TCEA1: variants seen among roughly 807,000 people sequenced by gnomAD.
TCEA1 encodes the protein transcription elongation factor A protein 1.
Under a neutral mutation model 43.8 loss-of-function variants are expected in TCEA1, and 21 were observed. The ratio of observed to expected loss-of-function variants is 0.48; its 90% CI spans 0.34 to 0.69. The LOEUF is 0.69. Ranked by LOEUF, TCEA1 falls within the 30% of genes least tolerant of loss-of-function variation. The pLI is 0.01. For missense variants in TCEA1, 250 were observed against 365.1 expected, an observed-to-expected ratio of 0.68 and a Z score of 2.57; for synonymous variants, 104 against 117.5, an observed-to-expected ratio of 0.88 and a Z score of 0.75.
intron 8 of TCEA1, among the ~76,000 whole-genome samples, chr8:53,977,540 G>A (rs1192302403): frequency 6.6e-6 from 1 of 152,120 alleles, no homozygotes; most frequent in African/African-American, 2.4e-5. Flanking sequence ...CCCCTTTAGA[G>A]TTTAGTGATG....
chr8:53,987,270 G>T (rs1355593665), intron 5 of TCEA1, among the ~76,000 whole-genome samples: 1 of 152,208 alleles, frequency 6.6e-6, no homozygotes, highest in African/African-American at 2.4e-5. Context: ...GGAAGTAACT[G>T]ATCTAGCAGG....
intron 1 of TCEA1, among the ~76,000 whole-genome samples, chr8:54,015,463 T>C (rs1410238956): frequency 2.6e-5 from 4 of 152,136 alleles, no homozygotes; most frequent in Non-Finnish European, 5.9e-5. Flanking sequence ...CCACCATGCC[T>C]GGCCCATTAT....
Position 54,022,282 on chromosome 8 carries a change from G to GGCA in TCEA1, c.-158_-157insTGC. On this transcript the variant is annotated 5_prime_UTR_variant, in exon 1 of 10. Transcript: ENST00000521604. ...CTTCCTTACGAACGAAGCCCGCGGC[G>GGCA]GCGGCGGCGGCGGCGGCGGCTCCGG... 2.6e-6 allele frequency: 2 copies of GGCA among 777,084 alleles called. No individual in the cohort carries two copies. Among genetic ancestry groups the GGCA allele is most frequent in the South Asian group, 1.6e-5 (1 of 63,046 alleles). The allele number at this position is 777,084 out of a possible 1,614,324, so 48.1% of individuals were successfully genotyped here. A position where few individuals can be genotyped will look rare whatever the true frequency, so the allele number is the denominator to read the frequency against.
rs569552749 is a variant in TCEA1, at chr8:54,013,655, T to A, written c.64-3163A>T. Among the ~76,000 whole-genome samples, 12 of 117,674 alleles carry A rather than the reference T, an allele frequency of 1.0e-4. No homozygotes were observed. In the South Asian group the frequency reaches 2.9e-3, roughly 28 times the overall value. The allele number at this position is 117,674 out of a possible 152,430, so 77.2% of individuals were successfully genotyped here. On this transcript the variant is annotated intron_variant, in intron 1 of 9. Coordinates refer to ENST00000521604, the MANE Select transcript of TCEA1 (RefSeq NM_006756.4). Reference sequence around the variant, plus strand: ...GAGATCGTGCCACTGCACTCCAACCTGGACGATAGAGCAAAACTCCATCTC... The same window carrying A: ...GAGATCGTGCCACTGCACTCCAACCAGGACGATAGAGCAAAACTCCATCTC...
At chr8:53,978,948 T>C (rs1027531372) in intron 8 of TCEA1, 77 bp downstream of exon 8, 2 of 1,461,932 alleles carry the variant, frequency 1.4e-6, no homozygotes, top group African/African-American at 2.8e-5. Context: ...TACTGGTAAT[T>C]ATCTTTGCTA....
chr8:54,019,683 C>G lies in TCEA1; in HGVS notation c.63+2380G>C, dbSNP rs1228311046. Among the ~76,000 whole-genome samples, 4 of 152,040 alleles carry G rather than the reference C, an allele frequency of 2.6e-5. No homozygotes were observed. The East Asian group carries it at 7.7e-4, about 29-fold the overall frequency. Reference sequence around the variant, plus strand: ...CACATATACCATAATTCTACAACCCCTAAAACACATTTTGTTGAATTACTG... The same window carrying G: ...CACATATACCATAATTCTACAACCCGTAAAACACATTTTGTTGAATTACTG... On this transcript the variant is annotated intron_variant, in intron 1 of 9. Coordinates refer to ENST00000521604, the MANE Select transcript of TCEA1 (RefSeq NM_006756.4).
chr8:53,977,160 A>T (rs1013948980), intron 8 of TCEA1, among the ~76,000 whole-genome samples: 10 of 152,162 alleles, frequency 6.6e-5, no homozygotes, highest in African/African-American at 2.2e-4. Context: ...TCTACTAAAA[A>T]TACAAAAAAA....
intron 3 of TCEA1, among the ~76,000 whole-genome samples, chr8:53,995,305 A>AC (rs1404698915): frequency 6.7e-6 from 1 of 149,610 alleles, no homozygotes; most frequent in Non-Finnish European, 1.5e-5. Context: ...AAAAAAAAAA[A>AC]AAAAAAAAAA....
chr8:54,013,771 A>C (rs1433706071), intron 1 of TCEA1, among the ~76,000 whole-genome samples: 1 of 152,174 alleles, frequency 6.6e-6, no homozygotes, highest in Non-Finnish European at 1.5e-5. Flanking sequence ...ACAGATAATC[A>C]TACATTAATT....
At chr8:53,974,310 A>G (rs1393801951) in intron 8 of TCEA1, 1 of 152,384 alleles carries the variant, frequency 6.6e-6, no homozygotes, top group Non-Finnish European at 1.5e-5. Flanking sequence ...CAAGAATATG[A>G]ATAAAATCTC....
At position 54,022,009 on chromosome 8, in the gene TCEA1, G is replaced by C. The variant is rs1805054699; in HGVS notation, c.63+54C>G. 3.9e-6 allele frequency: 6 copies of C among 1,525,506 alleles called. No homozygotes were observed. The East Asian group carries it at 1.3e-4, about 34-fold the overall frequency. The allele number at this position is 1,525,506 out of a possible 1,614,324, so 94.5% of individuals were successfully genotyped here. On this transcript the variant is annotated intron_variant, in intron 1 of 9. Transcript: ENST00000521604. Reference sequence around the variant, plus strand: ...GAAGGAGGGAGGGGGCGGCCCCCTCGGGCCGGACCGCGGCCCGGCCTCCCT... The same window carrying C: ...GAAGGAGGGAGGGGGCGGCCCCCTCCGGCCGGACCGCGGCCCGGCCTCCCT...
intron 7 of TCEA1, 97 bp downstream of exon 7, chr8:53,984,266 A>G (rs1264254403): frequency 2.7e-6 from 3 of 1,125,554 alleles, no homozygotes; most frequent in Admixed American, 3.4e-5. Context: ...AATTTATTAC[A>G]TATGCAATAT....
At chr8:53,997,205 G>A (rs368978983) in intron 3 of TCEA1, among the ~76,000 whole-genome samples, 26 of 152,184 alleles carry the variant, frequency 1.7e-4, no homozygotes, top group African/African-American at 6.0e-4. Context: ...ACCATGCCTG[G>A]CCAGAAGGTT....
intron 1 of TCEA1, among the ~76,000 whole-genome samples, chr8:54,019,593 T>A (rs1039219856): frequency 2.0e-5 from 3 of 151,850 alleles, no homozygotes; most frequent in African/African-American, 7.3e-5. Context: ...AAGTTAACTT[T>A]TTCATAATAT....
At chr8:54,021,930 G>C in intron 1 of TCEA1, 133 bp downstream of exon 1, 2 of 856,340 alleles carry the variant, frequency 2.3e-6, no homozygotes, top group Non-Finnish European at 3.2e-6. Flanking sequence ...CCCCGGGGAC[G>C]CGGGCGCGGC....
chr8:54,002,468 C>CAA (rs113615731), intron 2 of TCEA1, among the ~76,000 whole-genome samples: 1,171 of 106,908 alleles, frequency 0.011, 17 homozygotes, highest in African/African-American at 0.032. Context: ...GACTCCGTCT[C>CAA]AAAAAAAAAA....
intron 8 of TCEA1, chr8:53,973,829 G>T: frequency 2.6e-6 from 1 of 389,550 alleles, no homozygotes; most frequent in Non-Finnish European, 4.9e-6. Context: ...AAACCCTTGA[G>T]GAGAAAGCCT....
chr8:53,977,726 A>G (rs1430882348), intron 8 of TCEA1, among the ~76,000 whole-genome samples: 1 of 152,036 alleles, frequency 6.6e-6, no homozygotes, highest in Non-Finnish European at 1.5e-5. Flanking sequence ...ATTTTCACAT[A>G]TGCACATGCA....
intron 4 of TCEA1, among the ~76,000 whole-genome samples, chr8:53,990,198 CA>C (rs1304709527): frequency 1.4e-3 from 188 of 130,744 alleles, no homozygotes; most frequent in Admixed American, 1.5e-3. Context: ...ACTCTGTCTC[CA>C]AAAAAAAAAA....
Sources: allele counts gnomAD v4.1 joint callset (sites outside exome capture counted in the v4.1 genomes callset), GRCh38; gene constraint gnomAD v4.1.1; transcripts MANE v1.5; gene names NCBI Gene and HGNC (gene_info 2026-07-23, HGNC 2026-07-21).